LAMA2: variants seen among roughly 807,000 people sequenced by gnomAD.
The protein encoded by LAMA2 is laminin subunit alpha-2.
In LAMA2, 269 loss-of-function variants were observed where a neutral mutation model predicts 364.8. That is an observed-to-expected ratio of 0.74 (90% confidence interval 0.67 to 0.82). The LOEUF (loss-of-function observed/expected upper bound fraction) is 0.82, where lower values mean the gene tolerates loss of function less well. Among genes scored for constraint, LAMA2 ranks in the 40% least tolerant of loss-of-function variants. The probability of loss-of-function intolerance (pLI) is 0.00; values close to 1 mark genes in which losing one functional copy is unlikely to be tolerated. For synonymous variants in LAMA2, 1,379 were observed against 1,370.6 expected (o/e 1.01, Z -0.14); for missense variants, 3,807 against 3,873.2 (o/e 0.98, Z 0.45).
chr6:128,953,764 A>C (rs1232074531), intron 1 of LAMA2, among the ~76,000 whole-genome samples: 3 of 152,068 alleles, frequency 2.0e-5, no homozygotes, highest in Non-Finnish European at 4.4e-5. Flanking sequence ...AAACTGATAA[A>C]AGGACAATTT....
chr6:129,330,591 G>GTTTTT lies in LAMA2; in HGVS notation c.4311+2179_4311+2180insTTTTT, dbSNP rs1491387157. Reference sequence around the variant, plus strand: ...TTGAAGCGTTTTTTTGTTGTTGTTTGGTTTTTGTTTTTTTTTTTTTTTTTC... The same window carrying GTTTTT: ...TTGAAGCGTTTTTTTGTTGTTGTTTGTTTTTGTTTTTGTTTTTTTTTTTTTTTTTC... On this transcript the variant is annotated intron_variant, in intron 29 of 64. Coordinates refer to ENST00000421865, the MANE Select transcript of LAMA2 (RefSeq NM_000426.4). Among the ~76,000 whole-genome samples, 108 of 83,778 alleles carry GTTTTT rather than the reference G, an allele frequency of 1.3e-3. 2 individuals carry two copies. Among genetic ancestry groups the GTTTTT allele is most frequent in the Middle Eastern group, 8.5e-3 (1 of 118 alleles). The allele number at this position is 83,778 out of a possible 152,430, so 55.0% of individuals were successfully genotyped here.
At chr6:129,514,079 C>A (rs981805616) in intron 63 of LAMA2, among the ~76,000 whole-genome samples, 1 of 152,158 alleles carries the variant, frequency 6.6e-6, no homozygotes, top group African/African-American at 2.4e-5. Context: ...AGGTCCTTTT[C>A]TTGTCACCTG....
intron 3 of LAMA2, among the ~76,000 whole-genome samples, chr6:129,072,075 A>C (rs984227938): frequency 1.1e-4 from 16 of 152,044 alleles, no homozygotes; most frequent in Admixed American, 3.3e-4. Context: ...TCAACCCAGG[A>C]GGTAGAGGTT....
chr6:128,930,554 T>G (rs751819243), intron 1 of LAMA2, among the ~76,000 whole-genome samples: 20 of 151,986 alleles, frequency 1.3e-4, no homozygotes, highest in Admixed American at 3.9e-4. Flanking sequence ...CCCCCCACCC[T>G]TCACACATGG....
At chr6:128,974,178 G>T (rs556432303) in intron 1 of LAMA2, among the ~76,000 whole-genome samples, 19 of 152,228 alleles carry the variant, frequency 1.2e-4, no homozygotes, top group African/African-American at 4.3e-4. Context: ...AGTTAACCAG[G>T]TGACCCTCTA....
At chr6:128,890,542 T>TAC (rs56972149) in intron 1 of LAMA2, among the ~76,000 whole-genome samples, 18,617 of 147,338 alleles carry the variant, frequency 0.13, 1,160 homozygotes, top group Middle Eastern at 0.2. Context: ...TTCATTTAAA[T>TAC]ACACACACAC....
intron 3 of LAMA2, among the ~76,000 whole-genome samples, chr6:129,071,966 A>C (rs1160598419): frequency 6.7e-6 from 1 of 148,666 alleles, no homozygotes; most frequent in Non-Finnish European, 1.5e-5. Context: ...CATCTCTACC[A>C]AACAAAACAA....
rs940639638 is a variant in LAMA2 at position 129,278,653 on chromosome 6, G to A, written c.2451-1408G>A. Among the ~76,000 whole-genome samples the A allele has an allele frequency of 3.3e-5, 5 of 152,120 alleles. No homozygotes were observed. The East Asian group carries it at 5.8e-4, about 18-fold the overall frequency. On this transcript the variant is annotated intron_variant, in intron 17 of 64. Coordinates refer to ENST00000421865, the MANE Select transcript of LAMA2 (RefSeq NM_000426.4). ...GAGATTCTTTACTCGCAGTGCACAC[G>A]CTGGGTATGTCTTGTCTGCTGTTCA...
intron 1 of LAMA2, among the ~76,000 whole-genome samples, chr6:128,992,285 G>T (rs1344223841): frequency 2.6e-5 from 4 of 152,132 alleles, no homozygotes; most frequent in Non-Finnish European, 4.4e-5. Context: ...TAATTTTTAT[G>T]AAATAATAAA....
At chr6:129,094,061 C>T (rs548271813) in intron 3 of LAMA2, among the ~76,000 whole-genome samples, 7 of 152,206 alleles carry the variant, frequency 4.6e-5, no homozygotes, top group Admixed American at 1.3e-4. Context: ...ATAAAAGTAG[C>T]ATAGAAAACA....
chr6:129,499,034 C>A (rs1260274578), intron 58 of LAMA2, among the ~76,000 whole-genome samples: 1 of 152,166 alleles, frequency 6.6e-6, no homozygotes, highest in Non-Finnish European at 1.5e-5. Flanking sequence ...TTATTCCCAA[C>A]CACATCACTG....
intron 1 of LAMA2, among the ~76,000 whole-genome samples, chr6:129,027,904 T>C (rs1288883421): frequency 1.3e-5 from 2 of 151,846 alleles, no homozygotes; most frequent in Admixed American, 6.6e-5. Flanking sequence ...ACTTGAAATA[T>C]CTAAATGAAG....
At chr6:129,491,749 G>A (rs1381004783) in intron 56 of LAMA2, 152 bp from the exon 57 acceptor site, 2 of 679,582 alleles carry the variant, frequency 2.9e-6, no homozygotes, top group Admixed American at 4.5e-5. Context: ...CCTGAGAACA[G>A]CGTTTGCTTA....
intron 20 of LAMA2, among the ~76,000 whole-genome samples, chr6:129,293,389 T>C (rs1789854132): frequency 6.6e-6 from 1 of 152,194 alleles, no homozygotes; most frequent in Admixed American, 6.5e-5. Flanking sequence ...AGGCAACCTT[T>C]GGGGAAAGCT....
chr6:128,986,164 G>T (rs548264013), intron 1 of LAMA2, among the ~76,000 whole-genome samples: 9 of 152,132 alleles, frequency 5.9e-5, no homozygotes, highest in African/African-American at 1.7e-4. Flanking sequence ...TAATCAAATT[G>T]TCTCATCTTT....
chr6:129,136,444 C>T (rs1485123888), intron 4 of LAMA2, among the ~76,000 whole-genome samples: 1 of 151,750 alleles, frequency 6.6e-6, no homozygotes, highest in Non-Finnish European at 1.5e-5. Context: ...GAAAGCACTG[C>T]CACATGAAAT....
intron 28 of LAMA2, among the ~76,000 whole-genome samples, chr6:129,324,629 C>T (rs1431224126): frequency 1.3e-5 from 2 of 152,168 alleles, no homozygotes; most frequent in African/African-American, 4.8e-5. Flanking sequence ...ATGGTGTAGC[C>T]TACTACACAC....
At chr6:129,058,538 T>G (rs753813649) in intron 2 of LAMA2, among the ~76,000 whole-genome samples, 104 of 152,230 alleles carry the variant, frequency 6.8e-4, no homozygotes, top group Non-Finnish European at 1.3e-3. Context: ...ATCATCTCCT[T>G]CCTTGCCATT....
intron 28 of LAMA2, among the ~76,000 whole-genome samples, chr6:129,322,870 T>C (rs2114519224): frequency 6.6e-6 from 1 of 152,338 alleles, no homozygotes; most frequent in East Asian, 1.9e-4. Flanking sequence ...TTCCCATTAA[T>C]TTGAGTCATT....
Sources: allele counts gnomAD v4.1 joint callset (sites outside exome capture counted in the v4.1 genomes callset), GRCh38; gene constraint gnomAD v4.1.1; transcripts MANE v1.5; gene names NCBI Gene and HGNC (gene_info 2026-07-23, HGNC 2026-07-21).